Variants in MYO3B observed in about 807,000 individuals in gnomAD.
MYO3B encodes the protein myosin IIIB, also known as myosin-IIIb.
In MYO3B, 156 loss-of-function variants were observed where a neutral mutation model predicts 174.6. The ratio of observed to expected loss-of-function variants is 0.89; its 90% CI spans 0.78 to 1.02. The LOEUF is 1.02. Among genes scored for constraint, MYO3B ranks in the 50% least tolerant of loss-of-function variants. The probability of loss-of-function intolerance (pLI) is 0.00; values close to 1 mark genes in which losing one functional copy is unlikely to be tolerated. For missense variants in MYO3B, 1,632 were observed against 1,639.4 expected (o/e 1.00, Z 0.08); for synonymous variants, 563 against 569.1 (o/e 0.99, Z 0.15).
chr2:170,465,467 C>G (rs1400016973), intron 24 of MYO3B, among the ~76,000 whole-genome samples: 1 of 152,194 alleles, frequency 6.6e-6, no homozygotes, highest in African/African-American at 2.4e-5. Flanking sequence ...GACCCAAACA[C>G]CTCCCACTGG....
In MYO3B at chr2:170,287,767, TATG is replaced by T. The variant is rs1196913796; in HGVS notation, c.750-47614_750-47612del. 2.6e-5 allele frequency among the ~76,000 whole-genome samples: 4 copies of T among 152,194 alleles called. No homozygotes were observed. In the East Asian group the frequency reaches 7.7e-4, roughly 29 times the overall value. ...TATTTTTGCTTTGGTTGCCTGTGCT[TATG>T]ATGTCTTACATAAAAAAAAACTTTG... On this transcript the variant is annotated intron_variant, in intron 7 of 34. Transcript: ENST00000408978.
At chr2:170,592,034 G>A (rs765809346) in intron 32 of MYO3B, among the ~76,000 whole-genome samples, 1 of 152,166 alleles carries the variant, frequency 6.6e-6, no homozygotes, top group Non-Finnish European at 1.5e-5. Flanking sequence ...TTCTGTTGAA[G>A]TTGATTTTTT....
intron 25 of MYO3B, among the ~76,000 whole-genome samples, chr2:170,489,634 G>GGTGTGTGTGTGTGT (rs369174830): frequency 0.062 from 8,633 of 139,204 alleles, 377 homozygotes; most frequent in Middle Eastern, 0.13. Flanking sequence ...AACCAGTAGG[G>GGTGTGTGTGTGTGT]GTGTGTGTGT....
intron 25 of MYO3B, among the ~76,000 whole-genome samples, chr2:170,470,403 G>A (rs1017132632): frequency 5.9e-5 from 9 of 152,090 alleles, no homozygotes; most frequent in African/African-American, 2.2e-4. Flanking sequence ...TTCAGTGTTG[G>A]ATGAAATGAA....
intron 30 of MYO3B, 79 bp from the exon 31 acceptor site, chr2:170,542,826 TG>T: frequency 9.0e-7 from 1 of 1,105,716 alleles, no homozygotes; most frequent in Non-Finnish European, 1.3e-6. Context: ...GATATATCTT[TG>T]AAGAAAAACA....
chr2:170,387,012 C>T (rs914543994), intron 13 of MYO3B, 94 bp from the exon 14 acceptor site: 3 of 1,222,664 alleles, frequency 2.5e-6, no homozygotes, highest in African/African-American at 1.5e-5. Flanking sequence ...GTAAAAAGAC[C>T]ATGTGGATTT....
chr2:170,283,544 A>G (rs894911787), intron 7 of MYO3B, among the ~76,000 whole-genome samples: 1 of 152,168 alleles, frequency 6.6e-6, no homozygotes, highest in African/African-American at 2.4e-5. Context: ...TCCTGTTAGA[A>G]TATCTCCTTT....
intron 7 of MYO3B, among the ~76,000 whole-genome samples, chr2:170,319,798 T>G (rs765151796): frequency 1.3e-5 from 2 of 152,166 alleles, no homozygotes; most frequent in Non-Finnish European, 2.9e-5. Context: ...ATTGATCATG[T>G]GCAAGGGAAG....
chr2:170,384,238 T>C (rs1412047110), intron 12 of MYO3B, among the ~76,000 whole-genome samples: 3 of 152,096 alleles, frequency 2.0e-5, no homozygotes, highest in African/African-American at 4.8e-5. Flanking sequence ...TGCACAGAGG[T>C]TGACAGTGAC....
intron 30 of MYO3B, among the ~76,000 whole-genome samples, chr2:170,536,553 T>C (rs938402872): frequency 5.3e-5 from 8 of 152,356 alleles, no homozygotes; most frequent in Admixed American, 2.0e-4. Context: ...CCTGCAATAA[T>C]GGTGATCTTA....
Position 170,383,740 on chromosome 2 carries a change from G to T in MYO3B, c.1216G>T (p.Ala406Ser). 1 of 1,613,552 alleles carries T rather than the reference G, an allele frequency of 6.2e-7. No individual in the cohort carries two copies. Among genetic ancestry groups the T allele is most frequent in the Non-Finnish European group, 8.5e-7 (1 of 1,179,674 alleles). ...FSRLYHGVKR[A>S]SNPPHIFASA... ...CAGACTTTATCATGGGGTGAAACGC[G>T]CCTCCAATCCCCCCCACATATTTGC... is the stretch of plus-strand genomic sequence containing the variant. The change falls in exon 12 of 35, where the codon GCC becomes TCC. Residue 406 changes from alanine to serine, a missense_variant. Ala to Ser is a moderately conservative substitution (Grantham distance 99). Transcript: ENST00000408978.
At chr2:170,618,416 TTGTC>T (rs754298689) in intron 32 of MYO3B, among the ~76,000 whole-genome samples, 1 of 152,076 alleles carries the variant, frequency 6.6e-6, no homozygotes, top group South Asian at 2.1e-4. Context: ...GCTGTCTGGA[TTGTC>T]TGTTGTAAAG....
intron 28 of MYO3B, among the ~76,000 whole-genome samples, chr2:170,507,783 T>C (rs567920743): frequency 4.6e-5 from 7 of 152,222 alleles, no homozygotes; most frequent in Admixed American, 3.3e-4. Context: ...GAGGAAAACA[T>C]ACCTTGTCTG....
chr2:170,483,417 A>C (rs75716261), intron 25 of MYO3B, among the ~76,000 whole-genome samples: 3,807 of 99,178 alleles, frequency 0.038, 622 homozygotes, highest in African/African-American at 0.16. Context: ...GACGGAGTCT[A>C]GCTCTGTCGC....
intron 30 of MYO3B, among the ~76,000 whole-genome samples, chr2:170,527,586 C>T (rs964154044): frequency 7.9e-5 from 12 of 152,288 alleles, no homozygotes; most frequent in African/African-American, 1.9e-4. Flanking sequence ...TGCCAGCATC[C>T]GAGTTTGATT....
intron 7 of MYO3B, among the ~76,000 whole-genome samples, chr2:170,293,772 T>A (rs1014200655): frequency 2.3e-4 from 35 of 150,552 alleles, no homozygotes; most frequent in African/African-American, 8.3e-4. Context: ...TTCTTTAGAG[T>A]TTTAGCTGAC....
chr2:170,575,327 C>G (rs1458078489), intron 32 of MYO3B, among the ~76,000 whole-genome samples: 2 of 151,870 alleles, frequency 1.3e-5, no homozygotes, highest in South Asian at 2.1e-4. Flanking sequence ...TTTTTTTCCT[C>G]TCTATCAGGG....
chr2:170,531,814 G>A (rs781319161), intron 30 of MYO3B, among the ~76,000 whole-genome samples: 5 of 152,006 alleles, frequency 3.3e-5, no homozygotes, highest in Non-Finnish European at 7.4e-5. Context: ...GAAGAGAAGA[G>A]GCTGAGCTCT....
rs370015234 is a variant in MYO3B at position 170,217,399 on chromosome 2, A to G, written c.603+4A>G. 7 of 1,611,604 alleles carry G rather than the reference A, an allele frequency of 4.3e-6. No homozygotes were observed. The African/African-American group carries it at 9.3e-5, about 22-fold the overall frequency. ...CCCGTTCTGGATGGCCCCTGAGGTA[A>G]GCTGGAAATACCTAGTTCTTTCTTT... On this transcript the variant is annotated splice_donor_region_variant and intron_variant, in intron 6 of 34. Coordinates refer to ENST00000408978, the MANE Select transcript of MYO3B (RefSeq NM_138995.5).
Sources: gnomAD v4.1 joint callset for allele counts (sites outside exome capture counted in the v4.1 genomes callset) on GRCh38, gnomAD v4.1.1 for gene constraint, MANE v1.5 for transcripts, NCBI Gene and HGNC (gene_info 2026-07-23, HGNC 2026-07-21) for gene names.